ARL15: variants seen among roughly 807,000 people sequenced by gnomAD.
The protein encoded by ARL15 is ARF like GTPase 15.
A neutral mutation model predicts 25.2 loss-of-function variants in ARL15; 19 were observed. The ratio of observed to expected loss-of-function variants is 0.75; its 90% CI spans 0.53 to 1.10. ARL15 has a LOEUF of 1.10. ARL15 is among the 50% of genes least tolerant of loss of function. The pLI, the probability that ARL15 is intolerant of heterozygous loss-of-function variation, is 0.00. For missense variants in ARL15, 220 were observed against 246.0 expected (o/e 0.89, Z 0.71); for synonymous variants, 94 against 86.8 (o/e 1.08, Z -0.46).
At chr5:53,903,268 G>T (rs1745127508) in intron 4 of ARL15, among the ~76,000 whole-genome samples, 1 of 152,170 alleles carries the variant, frequency 6.6e-6, no homozygotes, top group Non-Finnish European at 1.5e-5. Context: ...GTGGCCTTGG[G>T]TCGTAATTGT....
chr5:54,308,041 T>G (rs1007295468), intron 1 of ARL15: 16 of 152,310 alleles, frequency 1.1e-4, no homozygotes, highest in Middle Eastern at 3.4e-3. Context: ...AAATAGGGCT[T>G]TTAATAAACG....
intron 4 of ARL15, among the ~76,000 whole-genome samples, chr5:54,047,067 C>T (rs1686067128): frequency 1.3e-5 from 2 of 152,164 alleles, no homozygotes; most frequent in Non-Finnish European, 2.9e-5. Flanking sequence ...AAGAGACTTG[C>T]TCGTTAGTGA....
At chr5:53,893,476 T>A (rs527982817) in intron 4 of ARL15, among the ~76,000 whole-genome samples, 1 of 152,058 alleles carries the variant, frequency 6.6e-6, no homozygotes, top group African/African-American at 2.4e-5. Flanking sequence ...GGCGTGGTGG[T>A]GGGCGCCTGT....
intron 1 of ARL15, among the ~76,000 whole-genome samples, chr5:54,180,018 G>GAAA (rs11336058): frequency 2.7e-5 from 3 of 110,000 alleles, no homozygotes; most frequent in African/African-American, 7.0e-5. Context: ...ACTGTCTCGA[G>GAAA]AAAAAAAAAA....
chr5:53,920,651 TAATAAATA>T (rs377705778), intron 4 of ARL15, among the ~76,000 whole-genome samples: 2,201 of 141,196 alleles, frequency 0.016, 26 homozygotes, highest in African/African-American at 0.031. Flanking sequence ...TATTAAAAAA[TAATAAATA>T]AATAAATAAA....
At chr5:54,290,529 A>G (rs913970865) in intron 1 of ARL15, among the ~76,000 whole-genome samples, 2 of 152,008 alleles carry the variant, frequency 1.3e-5, no homozygotes, top group Admixed American at 1.3e-4. Flanking sequence ...GATGGTCTCG[A>G]TCTCCTGATC....
At chr5:54,099,332 T>C (rs948649574) in intron 4 of ARL15, among the ~76,000 whole-genome samples, 1 of 152,076 alleles carries the variant, frequency 6.6e-6, no homozygotes, top group African/African-American at 2.4e-5. Flanking sequence ...ACCAAAAGAT[T>C]TGGTTTTCCT....
rs60444317 is a variant in ARL15 at position 53,950,272 on chromosome 5, TA to T, written c.463-63560del. Among the ~76,000 whole-genome samples the T allele has an allele frequency of 8.8e-3, 1,152 of 130,288 alleles. 12 individuals carry two copies. Among genetic ancestry groups the T allele is most frequent in the African/African-American group, 0.028 (1,002 of 36,436 alleles). 85.5% of individuals were successfully genotyped at this position (130,288 alleles called of 152,430 possible). On this transcript the variant is annotated intron_variant, in intron 4 of 4. Coordinates refer to ENST00000504924, the MANE Select transcript of ARL15 (RefSeq NM_019087.3). The stretch of plus-strand genomic sequence containing the variant: ...AGTAAAACCTCGTTTCTACAAAAAT[TA>T]AAAAAAAAAAAACGACTATGCTCAA...
chr5:54,090,557 T>C (rs1219716150), intron 4 of ARL15, among the ~76,000 whole-genome samples: 1 of 152,048 alleles, frequency 6.6e-6, no homozygotes, highest in Non-Finnish European at 1.5e-5. Flanking sequence ...TATTTCTTAA[T>C]GTGGGTAGTG....
intron 4 of ARL15, among the ~76,000 whole-genome samples, chr5:53,929,679 A>T (rs928339155): frequency 6.6e-6 from 1 of 152,328 alleles, no homozygotes; most frequent in South Asian, 2.1e-4. Context: ...AGTGTTGAGG[A>T]GCTTGGTCAT....
At chr5:54,167,112 C>A (rs566507926) in intron 2 of ARL15, among the ~76,000 whole-genome samples, 41 of 152,292 alleles carry the variant, frequency 2.7e-4, no homozygotes, top group African/African-American at 9.9e-4. Context: ...TGATTACAGG[C>A]ATAGTTTTCA....
At chr5:53,974,105 T>A (rs565683207) in intron 4 of ARL15, among the ~76,000 whole-genome samples, 2 of 152,276 alleles carry the variant, frequency 1.3e-5, no homozygotes, top group East Asian at 1.9e-4. Flanking sequence ...ACAAATCCCA[T>A]GTTAACTTTT....
intron 4 of ARL15, among the ~76,000 whole-genome samples, chr5:53,947,167 G>GGGGT (rs752822788): frequency 0.049 from 6,077 of 123,614 alleles, 186 homozygotes; most frequent in East Asian, 0.1. Context: ...AATAAATAAG[G>GGGGT]GTGTGTGTGT....
intron 4 of ARL15, among the ~76,000 whole-genome samples, chr5:53,888,427 C>T (rs141564579): frequency 6.6e-6 from 1 of 152,144 alleles, no homozygotes; most frequent in Admixed American, 6.6e-5. Context: ...ACCATAGGTG[C>T]ACGCCACAAC....
intron 4 of ARL15, among the ~76,000 whole-genome samples, chr5:53,987,475 C>CT (rs35849750): frequency 6.7e-4 from 96 of 144,230 alleles, no homozygotes; most frequent in African/African-American, 8.6e-4. Context: ...ACCCCTTTCA[C>CT]TTTTTTTTTT....
intron 3 of ARL15, among the ~76,000 whole-genome samples, chr5:54,113,735 T>C (rs996376066): frequency 1.3e-5 from 2 of 152,196 alleles, no homozygotes; most frequent in African/African-American, 4.8e-5. Flanking sequence ...TTTCAGACTT[T>C]AATCATCTCA....
intron 1 of ARL15, among the ~76,000 whole-genome samples, chr5:54,233,758 T>C (rs1264063488): frequency 6.6e-6 from 1 of 152,224 alleles, no homozygotes; most frequent in Non-Finnish European, 1.5e-5. Context: ...CAGAAAAGGC[T>C]ATTAAAATAT....
At chr5:53,910,495 G>GA (rs1173093926) in intron 4 of ARL15, among the ~76,000 whole-genome samples, 2 of 151,670 alleles carry the variant, frequency 1.3e-5, no homozygotes, top group Non-Finnish European at 2.9e-5. Flanking sequence ...GTCTTCTATA[G>GA]AAAACATCTT....
intron 4 of ARL15, among the ~76,000 whole-genome samples, chr5:53,991,308 G>A (rs536457970): frequency 3.9e-5 from 6 of 152,162 alleles, no homozygotes; most frequent in South Asian, 4.2e-4. Flanking sequence ...TTGGGAGGCC[G>A]AGGCAGGCAG....
Sources: allele counts gnomAD v4.1 joint callset (sites outside exome capture counted in the v4.1 genomes callset), GRCh38; gene constraint gnomAD v4.1.1; transcripts MANE v1.5; gene names NCBI Gene and HGNC (gene_info 2026-07-23, HGNC 2026-07-21).